PNP: variants seen among roughly 807,000 people sequenced by gnomAD.
The protein encoded by PNP is HEL-S-156an.
Under a neutral mutation model 26.8 loss-of-function variants are expected in PNP, and 18 were observed. That is an observed-to-expected ratio of 0.67 (90% CI 0.46 to 1.00). The LOEUF (loss-of-function observed/expected upper bound fraction) is 1.00, where lower values mean the gene tolerates loss of function less well. PNP is among the 50% of genes least tolerant of loss of function. The probability of loss-of-function intolerance (pLI) is 0.00; values close to 1 mark genes in which losing one functional copy is unlikely to be tolerated. For synonymous variants in PNP, 116 were observed against 124.8 expected (o/e 0.93, Z 0.47); for missense variants, 320 against 362.9 (o/e 0.88, Z 0.96).
chr14:20,475,134 G>T lies in PNP; in HGVS notation c.534G>T (p.Trp178Cys). 1 of 1,614,194 alleles carries T rather than the reference G, an allele frequency of 6.2e-7. No homozygotes were observed. Residue 178 changes from tryptophan (W) to cysteine (C), a missense_variant, in exon 5 of 6, where the codon TGG becomes TGT. Transcript: ENST00000361505. Reference protein sequence around the residue: ...RTMRQRALSTWKQMGEQRELQ... With the variant: ...RTMRQRALSTCKQMGEQRELQ... ...TGAGGCAGAGGGCTCTCAGTACCTGGAAACAAATGGGGGAGCAACGTGAGC... is the reference window on the plus strand; with the variant it reads ...TGAGGCAGAGGGCTCTCAGTACCTGTAAACAAATGGGGGAGCAACGTGAGC...
chr14:20,472,218 T>C lies in PNP; in HGVS notation c.12-90T>C, dbSNP rs1205183706. ...CTTCTCCGTCCCTGCTGCCTCAGTA[T>C]ACCTGCCAGCCTTTTTGCACCGAAG... is the stretch of plus-strand genomic sequence containing the variant. On this transcript the variant is annotated intron_variant, in intron 1 of 5. Coordinates refer to ENST00000361505, the MANE Select transcript of PNP (RefSeq NM_000270.4). 3.6e-6 allele frequency: 4 copies of C among 1,099,820 alleles called. No homozygotes were observed. The African/African-American group carries it at 6.2e-5, about 17-fold the overall frequency. The allele number at this position is 1,099,820 out of a possible 1,614,324, so 68.1% of individuals were successfully genotyped here. A position where few individuals can be genotyped will look rare whatever the true frequency, so the allele number is the denominator to read the frequency against.
At chr14:20,471,287 G>C (rs952731618) in intron 1 of PNP, among the ~76,000 whole-genome samples, 2 of 145,356 alleles carry the variant, frequency 1.4e-5, no homozygotes, top group Non-Finnish European at 3.0e-5. Flanking sequence ...CTGACCTCGT[G>C]ATCCGCCCAC....
At chr14:20,470,096 A>G (rs1408020315) in intron 1 of PNP, among the ~76,000 whole-genome samples, 1 of 152,190 alleles carries the variant, frequency 6.6e-6, no homozygotes, top group Non-Finnish European at 1.5e-5. Context: ...GACGGAAATC[A>G]GTCACCGAAC....
In PNP at chr14:20,476,065, C is replaced by T. The variant is rs572617046; in HGVS notation, c.653-319C>T. On this transcript the variant is annotated intron_variant, in intron 5 of 5. Transcript: ENST00000361505. Reference sequence around the variant, plus strand: ...TCTAGCTCACTACAGTTCTGACTGCCTGGGCTCAAACAATCCTCCCACCTC... The same window carrying T: ...TCTAGCTCACTACAGTTCTGACTGCTTGGGCTCAAACAATCCTCCCACCTC... 7.9e-4 allele frequency among the ~76,000 whole-genome samples: 120 copies of T among 152,338 alleles called. 1 individual carries two copies. Among genetic ancestry groups the T allele is most frequent in the Non-Finnish European group, 1.9e-4 (13 of 68,030 alleles).
intron 1 of PNP, among the ~76,000 whole-genome samples, chr14:20,471,430 G>GTGTT (rs1881986269): frequency 6.6e-6 from 1 of 150,980 alleles, no homozygotes. Context: ...GTGTGTGTGT[G>GTGTT]TTTTTTATAG....
Position 20,474,773 on chromosome 14 carries a change from G to A in PNP, c.286G>A (p.Val96Met). Reference protein sequence around the residue: ...HMYEGYPLWKVTFPVRVFHLL... With the variant: ...HMYEGYPLWKMTFPVRVFHLL... ...TTTTTTCGGATTGTTTGCTTCGAAG[G>A]TGACATTCCCAGTGAGGGTTTTCCA... is the stretch of plus-strand genomic sequence containing the variant. Residue 96 changes from valine (V) to methionine (M), a missense_variant and splice_region_variant, in exon 4 of 6, where the codon GTG (valine) becomes ATG (methionine). Coordinates refer to ENST00000361505, the MANE Select transcript of PNP (RefSeq NM_000270.4). The A allele has an allele frequency of 6.2e-7, 1 of 1,614,000 alleles. No individual in the cohort carries two copies. Among genetic ancestry groups the A allele is most frequent in the Middle Eastern group, 1.6e-4 (1 of 6,062 alleles).
Position 20,474,834 on chromosome 14 carries a change from C to T in PNP, c.347C>T (p.Ala116Val). 1 of 1,614,160 alleles carries T rather than the reference C, an allele frequency of 6.2e-7. No homozygotes were observed. The highest frequency in any genetic ancestry group is 1.3e-5 in the African/African-American group (1 of 75,038). Residue 116 changes from alanine (A) to valine (V), a missense_variant, in exon 4 of 6, where the codon GCA becomes GTA. Coordinates refer to ENST00000361505, the MANE Select transcript of PNP (RefSeq NM_000270.4). Reference protein sequence around the residue: ...LGVDTLVVTNAAGGLNPKFEV... With the variant: ...LGVDTLVVTNVAGGLNPKFEV... ...GTGGACACCCTGGTAGTCACCAATG[C>T]AGCAGGAGGGCTGAACCCCAAGTTT...
At chr14:20,475,445 G>C (rs1433072507) in intron 5 of PNP, among the ~76,000 whole-genome samples, 193 bp downstream of exon 5, 1 of 152,158 alleles carries the variant, frequency 6.6e-6, no homozygotes, top group Non-Finnish European at 1.5e-5. Context: ...GAAGCACCAA[G>C]GGGTTAACAG....
At chr14:20,470,237 C>A (rs1881959631) in intron 1 of PNP, among the ~76,000 whole-genome samples, 1 of 152,198 alleles carries the variant, frequency 6.6e-6, no homozygotes, top group South Asian at 2.1e-4. Context: ...GCCCAGGGAG[C>A]CAGGGTGTTC....
At position 20,476,772 on chromosome 14, in the gene PNP, C is replaced by A; in HGVS notation, c.*171C>A. The A allele has an allele frequency of 1.5e-6, 1 of 677,486 alleles. No individual in the cohort carries two copies. The highest frequency in any genetic ancestry group is 2.1e-5 in the Admixed American group (1 of 47,196). 42.0% of individuals were successfully genotyped at this position (677,486 alleles called of 1,614,324 possible). A position where few individuals can be genotyped will look rare whatever the true frequency, so the allele number is the denominator to read the frequency against. On this transcript the variant is annotated 3_prime_UTR_variant, in exon 6 of 6. Transcript: ENST00000361505. ...TACCAGACCCTTCTGGTGCCAGATCCTCTTCTCAAAGCTGGGATTACAGGT... is the reference window on the plus strand; with the variant it reads ...TACCAGACCCTTCTGGTGCCAGATCATCTTCTCAAAGCTGGGATTACAGGT...
chr14:20,474,889 C>T lies in PNP; in HGVS notation c.402C>T (p.Asp134=), dbSNP rs1275082123. 1 of 1,614,144 alleles carries T rather than the reference C, an allele frequency of 6.2e-7. No individual in the cohort carries two copies. The highest frequency in any genetic ancestry group is 8.5e-7 in the Non-Finnish European group (1 of 1,180,018). ...TTGGAGATATCATGCTGATCCGTGACCATATCAACCTACCTGGTTTCAGTG... is the reference window on the plus strand; with the variant it reads ...TTGGAGATATCATGCTGATCCGTGATCATATCAACCTACCTGGTTTCAGTG... ...FEVGDIMLIR[D]HINLPGFSGQ... The change falls in exon 4 of 6, where the codon GAC becomes GAT. Residue 134 remains aspartate (D), a synonymous_variant. Coordinates refer to ENST00000361505, the MANE Select transcript of PNP (RefSeq NM_000270.4).
intron 5 of PNP, among the ~76,000 whole-genome samples, chr14:20,475,836 C>T (rs528163875): frequency 1.3e-5 from 2 of 152,182 alleles, no homozygotes; most frequent in African/African-American, 2.4e-5. Flanking sequence ...TAGCCACCTT[C>T]TGTACCTCTA....
In PNP at chr14:20,476,594, C is replaced by A; in HGVS notation, c.863C>A (p.Ala288Asp). Residue 288 changes from alanine (A) to aspartate (D), a missense_variant, in exon 6 of 6, where the codon GCC becomes GAC. Ala to Asp is a moderately radical substitution (Grantham distance 126). Coordinates refer to ENST00000361505, the MANE Select transcript of PNP (RefSeq NM_000270.4). ...LMASIPLPDK[A>D]S ...GCCAGCATTCCACTCCCTGACAAAG[C>A]CAGTTGACCTGCCTTGGAGTCGTCT... 6.2e-7 allele frequency: 1 copy of A among 1,614,026 alleles called. No homozygotes were observed. Among genetic ancestry groups the A allele is most frequent in the South Asian group, 1.1e-5 (1 of 91,070 alleles).
At chr14:20,473,939 G>A in intron 2 of PNP, 1 of 164,560 alleles carries the variant, frequency 6.1e-6, no homozygotes, top group Non-Finnish European at 1.3e-5. Flanking sequence ...GCGTGGTGGT[G>A]ACGTCTGTGC....
intron 1 of PNP, 81 bp from the exon 2 acceptor site, chr14:20,472,227 G>A: frequency 1.6e-6 from 2 of 1,225,292 alleles, no homozygotes; most frequent in African/African-American, 3.0e-5. Context: ...ATACCTGCCA[G>A]CCTTTTTGCA....
At position 20,472,576 on chromosome 14, in the gene PNP, A is replaced by G. The variant is rs17885917; in HGVS notation, c.181+99A>G. 5.1e-3 allele frequency: 5,684 copies of G among 1,121,124 alleles called. 52 individuals are homozygous for G. The highest frequency in any genetic ancestry group is 0.016 in the South Asian group (1,207 of 76,984). 69.4% of individuals were successfully genotyped at this position (1,121,124 alleles called of 1,614,324 possible). ...CAATGTTTCTACTCCTTGACCTAGCATTTCACTGAAGACAAATGTTGTAAG... is the reference window on the plus strand; with the variant it reads ...CAATGTTTCTACTCCTTGACCTAGCGTTTCACTGAAGACAAATGTTGTAAG... On this transcript the variant is annotated intron_variant, in intron 2 of 5. Transcript: ENST00000361505.
At chr14:20,469,609 G>T in intron 1 of PNP, 74 bp downstream of exon 1, 1 of 1,539,678 alleles carries the variant, frequency 6.5e-7, no homozygotes, top group South Asian at 1.2e-5. Context: ...GGCACACTGG[G>T]CCCAGAGGGA....
chr14:20,474,615 C>A, intron 3 of PNP, 40 bp downstream of exon 3: 2 of 1,576,982 alleles, frequency 1.3e-6, no homozygotes, highest in Non-Finnish European at 1.7e-6. Flanking sequence ...CTGGAAGAGG[C>A]AGGAGAGAAC....
At chr14:20,469,618 G>A (rs1218291713) in intron 1 of PNP, 83 bp downstream of exon 1, 4 of 1,527,164 alleles carry the variant, frequency 2.6e-6, no homozygotes, top group Middle Eastern at 1.7e-4. Context: ...GGCCCAGAGG[G>A]AGCTGGCGGA....
Sources: gnomAD v4.1 joint callset for allele counts (sites outside exome capture counted in the v4.1 genomes callset) on GRCh38, gnomAD v4.1.1 for gene constraint, MANE v1.5 for transcripts, NCBI Gene and HGNC (gene_info 2026-07-23, HGNC 2026-07-21) for gene names.